The following DNAH11 variants were observed in gnomAD, a reference collection of about 807,000 sequenced individuals.
The protein encoded by DNAH11 is dynein axonemal heavy chain 11.
In DNAH11, 442 loss-of-function variants were observed where a neutral mutation model predicts 526.0. The observed-to-expected ratio is 0.84, with a 90% CI of 0.78 to 0.91. The LOEUF (loss-of-function observed/expected upper bound fraction) is 0.91, where lower values mean the gene tolerates loss of function less well. Ranked by LOEUF, DNAH11 falls within the 40% of genes least tolerant of loss-of-function variation. DNAH11 has a pLI of 0.00. For synonymous variants in DNAH11, 2,461 were observed against 1,935.9 expected (o/e 1.27, Z -7.12); for missense variants, 6,989 against 5,448.7 (o/e 1.28, Z -8.90).
chr7:21,619,227 T>C lies in DNAH11; in HGVS notation c.4377+5T>C. 6.2e-7 allele frequency: 1 copy of C among 1,612,192 alleles called. No individual in the cohort carries two copies. Among genetic ancestry groups the C allele is most frequent in the East Asian group, 2.2e-5 (1 of 44,822 alleles). On this transcript the variant is annotated splice_donor_5th_base_variant and intron_variant, in intron 24 of 81. Transcript: ENST00000409508. ...AAAGAGCTGGGGACTGAGAAGGTAG[T>C]GTCCTCGGGACTGGGTCATTTCTAC...
chr7:21,612,575 A>G (rs866403702), intron 20 of DNAH11, among the ~76,000 whole-genome samples: 6 of 150,104 alleles, frequency 4.0e-5, no homozygotes, highest in East Asian at 1.9e-4. Context: ...AAAAAAAAAA[A>G]AGAGACTAAG....
intron 34 of DNAH11, among the ~76,000 whole-genome samples, chr7:21,689,304 C>T (rs1257860963): frequency 1.3e-5 from 2 of 152,214 alleles, no homozygotes; most frequent in African/African-American, 4.8e-5. Context: ...GATCCATGTA[C>T]TGATTTCTGA....
chr7:21,739,191 G>T (rs1785760154), intron 47 of DNAH11, among the ~76,000 whole-genome samples: 1 of 152,168 alleles, frequency 6.6e-6, no homozygotes, highest in Admixed American at 6.5e-5. Context: ...ATTTGATCTT[G>T]TTTGGCAGGG....
At chr7:21,673,974 C>T (rs11762779) in intron 30 of DNAH11, among the ~76,000 whole-genome samples, 72,310 of 151,182 alleles carry the variant, frequency 0.48, 17,895 homozygotes, top group Non-Finnish European at 0.55. Flanking sequence ...CCTGGCTGGT[C>T]TTCCTCCTGC....
chr7:21,681,467 T>C (rs1783132636), intron 30 of DNAH11, 79 bp from the exon 31 acceptor site: 3 of 1,453,202 alleles, frequency 2.1e-6, no homozygotes, highest in African/African-American at 1.4e-5. Context: ...AATCAGCCTT[T>C]ACAAATACGA....
chr7:21,650,372 C>T (rs1362489763), intron 28 of DNAH11, among the ~76,000 whole-genome samples: 8 of 152,076 alleles, frequency 5.3e-5, no homozygotes, highest in African/African-American at 1.9e-4. Flanking sequence ...GATTAATATA[C>T]TCATTGCTAT....
chr7:21,648,373 G>C (rs1787458056), intron 28 of DNAH11, among the ~76,000 whole-genome samples: 1 of 152,182 alleles, frequency 6.6e-6, no homozygotes, highest in Non-Finnish European at 1.5e-5. Flanking sequence ...CATATGACTT[G>C]TTTTGGCCAC....
intron 77 of DNAH11, among the ~76,000 whole-genome samples, chr7:21,893,274 G>A (rs934426840): frequency 7.2e-5 from 11 of 152,214 alleles, no homozygotes; most frequent in African/African-American, 2.7e-4. Flanking sequence ...TTTCTCCAGT[G>A]GCTGTACCAG....
chr7:21,565,705 G>A (rs1006552439), intron 6 of DNAH11, among the ~76,000 whole-genome samples: 2 of 152,204 alleles, frequency 1.3e-5, no homozygotes, highest in African/African-American at 4.8e-5. Context: ...TATCAGTGGG[G>A]ATAATGCCTA....
At chr7:21,609,012 C>G (rs1320039020) in intron 20 of DNAH11, among the ~76,000 whole-genome samples, 3 of 152,096 alleles carry the variant, frequency 2.0e-5, no homozygotes, top group Non-Finnish European at 4.4e-5. Context: ...GACCCTGGTT[C>G]TGAAGGCATC....
chr7:21,754,903 A>G (rs1279569868), intron 54 of DNAH11, among the ~76,000 whole-genome samples: 2 of 152,188 alleles, frequency 1.3e-5, no homozygotes, highest in East Asian at 3.8e-4. Flanking sequence ...TTGGAATTTT[A>G]AAGAATTCCA....
rs1262141058 is a variant in DNAH11, at chr7:21,842,618, A to G, written c.10766A>G (p.Asn3589Ser). The G allele has an allele frequency of 5.6e-6, 9 of 1,613,834 alleles. No individual in the cohort carries two copies. Among genetic ancestry groups the G allele is most frequent in the Non-Finnish European group, 7.6e-6 (9 of 1,179,890 alleles). The change falls in exon 66 of 82, where the codon AAT (asparagine) becomes AGT (serine). Residue 3589 changes from asparagine (N) to serine (S), a missense_variant. Coordinates refer to ENST00000409508, the MANE Select transcript of DNAH11 (RefSeq NM_001277115.2). ...CTTATCCTTCACACAAAATTGGCAA[A>G]TCCTCACTATAAGCCGGAATTACAA... is the stretch of plus-strand genomic sequence containing the variant. ...FRLILHTKLA[N>S]PHYKPELQAQ...
chr7:21,570,179 C>G lies in DNAH11; in HGVS notation c.1305C>G (p.Phe435Leu). The G allele has an allele frequency of 6.2e-7, 1 of 1,613,354 alleles. No individual in the cohort carries two copies. Among genetic ancestry groups the G allele is most frequent in the Non-Finnish European group, 8.5e-7 (1 of 1,179,680 alleles). Residue 435 changes from phenylalanine (F) to leucine (L), a missense_variant, in exon 7 of 82, where the codon TTC becomes TTG. Physicochemically the swap from Phe to Leu is conservative, Grantham distance 22. Transcript: ENST00000409508. Reference protein sequence around the residue: ...NILKTFKNSFFNYRKKLASYF... With the variant: ...NILKTFKNSFLNYRKKLASYF... ...TAAAGACTTTCAAAAACTCCTTTTT[C>G]AACTATAGAAAAAAATTGGCAAGCT...
chr7:21,840,484 G>T (rs553177242), intron 65 of DNAH11, among the ~76,000 whole-genome samples: 1 of 152,228 alleles, frequency 6.6e-6, no homozygotes, highest in African/African-American at 2.4e-5. Flanking sequence ...ACTGAGCCGA[G>T]ACTGTTTGCT....
chr7:21,889,203 A>G (rs1784242448), intron 76 of DNAH11, among the ~76,000 whole-genome samples: 1 of 152,242 alleles, frequency 6.6e-6, no homozygotes, highest in Non-Finnish European at 1.5e-5. Context: ...TTCAAGCTTC[A>G]GCCATGCTGT....
At chr7:21,833,291 A>G (rs1291826535) in intron 65 of DNAH11, among the ~76,000 whole-genome samples, 1 of 152,234 alleles carries the variant, frequency 6.6e-6, no homozygotes, top group African/African-American at 2.4e-5. Flanking sequence ...AAGTGAGGAA[A>G]TATTCAAACA....
intron 9 of DNAH11, among the ~76,000 whole-genome samples, chr7:21,582,752 C>G (rs1195497571): frequency 6.6e-6 from 1 of 151,826 alleles, no homozygotes; most frequent in Non-Finnish European, 1.5e-5. Context: ...AGATAACGTC[C>G]CAAAAGAGGG....
chr7:21,594,584 A>T (rs924721122), intron 14 of DNAH11, among the ~76,000 whole-genome samples: 3 of 152,132 alleles, frequency 2.0e-5, no homozygotes, highest in East Asian at 3.9e-4. Context: ...GGATGATCAG[A>T]GTAGGCCTCA....
At chr7:21,737,944 T>C (rs753422751) in intron 46 of DNAH11, among the ~76,000 whole-genome samples, 1 of 152,188 alleles carries the variant, frequency 6.6e-6, no homozygotes, top group Non-Finnish European at 1.5e-5. Context: ...TTATTTATGA[T>C]TCTTTGTTCA....
Sources: gnomAD v4.1 joint callset for allele counts (sites outside exome capture counted in the v4.1 genomes callset) on GRCh38, gnomAD v4.1.1 for gene constraint, MANE v1.5 for transcripts, NCBI Gene and HGNC (gene_info 2026-07-23, HGNC 2026-07-21) for gene names.